The following DNM1 variants were observed in gnomAD, a reference collection of about 807,000 sequenced individuals.
The protein encoded by DNM1 is dynamin 1, also known as dynamin-1.
Under a neutral mutation model 104.6 loss-of-function variants are expected in DNM1, and 29 were observed. The observed-to-expected ratio is 0.28, with a 90% CI of 0.21 to 0.38. The LOEUF is 0.38. Among genes scored for constraint, DNM1 ranks in the 10% least tolerant of loss-of-function variants. The probability of loss-of-function intolerance (pLI) is 1.00; values close to 1 mark genes in which losing one functional copy is unlikely to be tolerated. For missense variants in DNM1, 640 were observed against 1,189.4 expected, an observed-to-expected ratio of 0.54 and a Z score of 6.79; for synonymous variants, 445 against 475.8, an observed-to-expected ratio of 0.94 and a Z score of 0.84.
chr9:128,250,149 A>G lies in DNM1; in HGVS notation c.2111A>G (p.Asn704Ser). ...KEFIFSELLA[N>S]LYSCGDQNTL... Reference sequence around the variant, plus strand: ...TTCATCTTCTCGGAGCTGCTGGCCAACCTGTACTCGTGTGGGGACCAGAAC... The same window carrying G: ...TTCATCTTCTCGGAGCTGCTGGCCAGCCTGTACTCGTGTGGGGACCAGAAC... The change falls in exon 20 of 22, where the codon AAC becomes AGC. Residue 704 changes from asparagine (N) to serine (S), a missense_variant. This residue lies in a region of DNM1 where 129 missense variants were observed against 224.6 expected (regional missense o/e 0.57). Transcript: ENST00000372923. The G allele has an allele frequency of 6.2e-7, 1 of 1,614,160 alleles. No homozygotes were observed. Among genetic ancestry groups the G allele is most frequent in the South Asian group, 1.1e-5 (1 of 91,080 alleles).
At chr9:128,249,986 C>T (rs1214567182) in intron 19 of DNM1, 129 bp from the exon 20 acceptor site, 1 of 1,352,582 alleles carries the variant, frequency 7.4e-7, no homozygotes, top group African/African-American at 1.4e-5. Flanking sequence ...GTGAATCTTC[C>T]AGTCTACGCA....
chr9:128,229,245 A>G (rs1835522635), intron 10 of DNM1, among the ~76,000 whole-genome samples: 1 of 151,548 alleles, frequency 6.6e-6, no homozygotes, highest in Non-Finnish European at 1.5e-5. Flanking sequence ...TTTTTTTTTA[A>G]TTAGCCAGGC....
chr9:128,246,849 C>T (rs1836859911), intron 16 of DNM1: 1 of 340,468 alleles, frequency 2.9e-6, no homozygotes, highest in African/African-American at 2.1e-5. Flanking sequence ...TGGTATAGTG[C>T]ATGCTCTTCA....
Position 128,218,524 on chromosome 9 carries a change from C to A in DNM1, c.236-58C>A. On this transcript the variant is annotated intron_variant, in intron 2 of 21. Coordinates refer to ENST00000372923, the MANE Select transcript of DNM1 (RefSeq NM_004408.4). The surrounding 1 kb of genome is among the most constrained non-coding windows in gnomAD (Gnocchi z 4.8). ...ATTACCGGTGGGAGATGAAAACCCCCAGGTGGGGTTCCAGACCTTGATGCC... is the reference window on the plus strand; with the variant it reads ...ATTACCGGTGGGAGATGAAAACCCCAAGGTGGGGTTCCAGACCTTGATGCC... The A allele has an allele frequency of 6.4e-7, 1 of 1,568,856 alleles. No individual in the cohort carries two copies. The highest frequency in any genetic ancestry group is 8.7e-7 in the Non-Finnish European group (1 of 1,151,346).
In DNM1 at chr9:128,218,222, T is replaced by G. The variant is rs920593927; in HGVS notation, c.162-9T>G. ...TCTTGACCCTCCTTTGACCTCCAAC[T>G]CATTGCAGGGACTTCTTGCCTCGAG... On this transcript the variant is annotated splice_polypyrimidine_tract_variant and intron_variant, in intron 1 of 21. Transcript: ENST00000372923. This position sits in a 1 kb window ranked among gnomAD's most constrained non-coding sequence, Gnocchi z 4.8. The G allele has an allele frequency of 1.2e-6, 2 of 1,613,914 alleles. No individual in the cohort carries two copies. The highest frequency in any genetic ancestry group is 2.2e-5 in the East Asian group (1 of 44,870).
Position 128,224,500 on chromosome 9 carries a change from C to T in DNM1, c.1335+111C>T. Reference sequence around the variant, plus strand: ...CCTCCTCGGTAGCATGTACAGACCTCAGCGGGGTGGGGAGGCAGGCCACCA... The same window carrying T: ...CCTCCTCGGTAGCATGTACAGACCTTAGCGGGGTGGGGAGGCAGGCCACCA... On this transcript the variant is annotated intron_variant, in intron 10 of 21. Coordinates refer to ENST00000372923, the MANE Select transcript of DNM1 (RefSeq NM_004408.4). The surrounding 1 kb of genome is among the most constrained non-coding windows in gnomAD (Gnocchi z 4.3). The T allele has an allele frequency of 9.1e-7, 1 of 1,096,134 alleles. No individual in the cohort carries two copies. The highest frequency in any genetic ancestry group is 2.5e-5 in the Admixed American group (1 of 39,338). 67.9% of individuals were successfully genotyped at this position (1,096,134 alleles called of 1,614,324 possible).
chr9:128,253,210 G>C lies in DNM1; in HGVS notation c.2535-1444G>C. ...GCTGCACTAGCTCCACACGGGGCGCGCACCTGGGACCTCAGAGCCAGGCTC... is the reference window on the plus strand; with the variant it reads ...GCTGCACTAGCTCCACACGGGGCGCCCACCTGGGACCTCAGAGCCAGGCTC... On this transcript the variant is annotated intron_variant, in intron 21 of 21. Transcript: ENST00000372923. This position sits in a 1 kb window ranked among gnomAD's most constrained non-coding sequence, Gnocchi z 5.9. 6.9e-7 allele frequency: 1 copy of C among 1,458,694 alleles called. No homozygotes were observed. Among genetic ancestry groups the C allele is most frequent in the Non-Finnish European group, 9.5e-7 (1 of 1,058,172 alleles). The allele number at this position is 1,458,694 out of a possible 1,614,324, so 90.4% of individuals were successfully genotyped here.
intron 10 of DNM1, among the ~76,000 whole-genome samples, chr9:128,229,600 C>CAAAAAAAA (rs56072236): frequency 2.7e-4 from 18 of 66,686 alleles, no homozygotes; most frequent in Non-Finnish European, 3.2e-4. Flanking sequence ...AAAACCTTAT[C>CAAAAAAAA]AAAAAAAAAA....
chr9:128,254,273 G>T lies in DNM1; in HGVS notation c.2535-381G>T. 2.2e-6 allele frequency: 3 copies of T among 1,384,030 alleles called. No homozygotes were observed. Among genetic ancestry groups the T allele is most frequent in the Non-Finnish European group, 2.8e-6 (3 of 1,078,870 alleles). 85.7% of individuals were successfully genotyped at this position (1,384,030 alleles called of 1,614,324 possible). On this transcript the variant is annotated intron_variant, in intron 21 of 21. Coordinates refer to ENST00000372923, the MANE Select transcript of DNM1 (RefSeq NM_004408.4). The surrounding 1 kb of genome is among the most constrained non-coding windows in gnomAD (Gnocchi z 6.1). ...TGGCTGTTGCATGGGGCTCCCCAAGGCAAGGGGTGGCCCCAGGCCAGTGGG... is the reference window on the plus strand; with the variant it reads ...TGGCTGTTGCATGGGGCTCCCCAAGTCAAGGGGTGGCCCCAGGCCAGTGGG...
rs1588424059 is a variant in DNM1 at position 128,239,357 on chromosome 9, C to T, written c.1423-88C>T. 5.3e-6 allele frequency: 5 copies of T among 947,876 alleles called. No homozygotes were observed. In the East Asian group the frequency reaches 7.2e-5, roughly 14 times the overall value. The allele number at this position is 947,876 out of a possible 1,614,324, so 58.7% of individuals were successfully genotyped here. ...TATGGATACTAACCTCCTATATGTGCTGCAAGTACTTTTCTCCCAGCTTGC... is the reference window on the plus strand; with the variant it reads ...TATGGATACTAACCTCCTATATGTGTTGCAAGTACTTTTCTCCCAGCTTGC... On this transcript the variant is annotated intron_variant, in intron 11 of 21. Transcript: ENST00000372923.
Position 128,218,470 on chromosome 9 carries a change from G to A in DNM1, c.236-112G>A. The A allele has an allele frequency of 7.0e-7, 1 of 1,428,886 alleles. No individual in the cohort carries two copies. The highest frequency in any genetic ancestry group is 1.2e-5 in the South Asian group (1 of 81,610). 88.5% of individuals were successfully genotyped at this position (1,428,886 alleles called of 1,614,324 possible). A position where few individuals can be genotyped will look rare whatever the true frequency, so the allele number is the denominator to read the frequency against. On this transcript the variant is annotated intron_variant, in intron 2 of 21. Coordinates refer to ENST00000372923, the MANE Select transcript of DNM1 (RefSeq NM_004408.4). The surrounding 1 kb of genome is among the most constrained non-coding windows in gnomAD (Gnocchi z 4.8). Reference sequence around the variant, plus strand: ...ATACATAATGGAGACGTGGGTGGTGGTTCTGCTTGGGTGTGTCTAGGGGGT... The same window carrying A: ...ATACATAATGGAGACGTGGGTGGTGATTCTGCTTGGGTGTGTCTAGGGGGT...
At chr9:128,207,312 G>A (rs1442077858) in intron 1 of DNM1, among the ~76,000 whole-genome samples, 4 of 152,076 alleles carry the variant, frequency 2.6e-5, no homozygotes, top group Non-Finnish European at 5.9e-5. Context: ...TTTGGAAGTC[G>A]TTGGTGTAGA....
chr9:128,206,958 G>A (rs1015378696), intron 1 of DNM1, among the ~76,000 whole-genome samples: 3 of 152,068 alleles, frequency 2.0e-5, no homozygotes, highest in African/African-American at 7.2e-5. Flanking sequence ...GGGTAGTGGG[G>A]GGCCTGGACA....
intron 10 of DNM1, chr9:128,232,124 G>A (rs749511627): frequency 1.1e-4 from 47 of 445,392 alleles, no homozygotes; most frequent in Non-Finnish European, 1.3e-4. Flanking sequence ...ACATCCAGGC[G>A]GTTAGTGGGA....
intron 14 of DNM1, among the ~76,000 whole-genome samples, chr9:128,241,562 G>A (rs973658380): frequency 2.6e-5 from 4 of 152,190 alleles, no homozygotes; most frequent in Non-Finnish European, 5.9e-5. Flanking sequence ...TCTGCAAGGT[G>A]CTGGGATGTA....
chr9:128,218,330 C>T lies in DNM1; in HGVS notation c.235+26C>T, dbSNP rs548432277. Reference sequence around the variant, plus strand: ...GTACGTGCCCTCCTTCACCAGCAGCCAGGCCTGCCCACTCCAGCCTCTCCC... The same window carrying T: ...GTACGTGCCCTCCTTCACCAGCAGCTAGGCCTGCCCACTCCAGCCTCTCCC... On this transcript the variant is annotated intron_variant, in intron 2 of 21. Coordinates refer to ENST00000372923, the MANE Select transcript of DNM1 (RefSeq NM_004408.4). The surrounding 1 kb of genome is among the most constrained non-coding windows in gnomAD (Gnocchi z 4.8). The T allele has an allele frequency of 3.2e-5, 52 of 1,612,024 alleles. 1 individual carries two copies. The South Asian group carries it at 5.6e-4, about 17-fold the overall frequency.
At position 128,209,925 on chromosome 9, in the gene DNM1, AG is replaced by A. The variant is rs1307499860; in HGVS notation, c.161+6296del. ...CCCATGGGGAGGGTGAAGCCAGAGG[AG>A]GTCCAGAGAGGGACCCCTAAGTGTA... On this transcript the variant is annotated intron_variant, in intron 1 of 21. Transcript: ENST00000372923. 3.3e-5 allele frequency among the ~76,000 whole-genome samples: 5 copies of A among 152,328 alleles called. No homozygotes were observed. In the South Asian group the frequency reaches 1.0e-3, roughly 32 times the overall value.
At chr9:128,211,206 C>T (rs1237620366) in intron 1 of DNM1, among the ~76,000 whole-genome samples, 4 of 152,052 alleles carry the variant, frequency 2.6e-5, no homozygotes, top group African/African-American at 7.2e-5. Flanking sequence ...CCCCCTAATC[C>T]ATTCCCCGCC....
chr9:128,209,276 G>C (rs1048275641), intron 1 of DNM1, among the ~76,000 whole-genome samples: 22 of 152,180 alleles, frequency 1.4e-4, no homozygotes, highest in African/African-American at 5.3e-4. Context: ...GCCCAGAGGA[G>C]CTGGGAGTGA....
Sources: gnomAD v4.1 joint callset for allele counts (sites outside exome capture counted in the v4.1 genomes callset) on GRCh38, gnomAD v4.1.1 for gene constraint, gnomAD v4.1.1 regional missense constraint, Gnocchi (gnomAD v3.1) non-coding constraint, MANE v1.5 for transcripts, NCBI Gene and HGNC (gene_info 2026-07-23, HGNC 2026-07-21) for gene names.